Variants in IL7 observed in about 807,000 individuals in gnomAD.
IL7 encodes interleukin 7, also known as interleukin-7.
A neutral mutation model predicts 21.6 loss-of-function variants in IL7; 3 were observed. The observed-to-expected ratio is 0.14, with a 90% CI of 0.06 to 0.36. IL7 has a LOEUF of 0.36. Ranked by LOEUF, IL7 falls within the 10% of genes least tolerant of loss-of-function variation. The probability of loss-of-function intolerance (pLI) is 1.00; values close to 1 mark genes in which losing one functional copy is unlikely to be tolerated. For synonymous variants in IL7, 62 were observed against 68.1 expected (o/e 0.91, Z 0.44); for missense variants, 175 against 200.2 (o/e 0.87, Z 0.76).
intron 2 of IL7, among the ~76,000 whole-genome samples, chr8:78,776,733 T>A (rs1813149117): frequency 6.6e-6 from 1 of 152,070 alleles, no homozygotes; most frequent in African/African-American, 2.4e-5. Context: ...CCATTTAATT[T>A]ATTTAAAATA....
chr8:78,757,755 T>C (rs1341933453), intron 2 of IL7, among the ~76,000 whole-genome samples: 1 of 152,060 alleles, frequency 6.6e-6, no homozygotes, highest in Non-Finnish European at 1.5e-5. Flanking sequence ...TTTCCGTCAC[T>C]TCACTTTCAG....
At chr8:78,729,695 T>C (rs972178788), downstream of IL7, among the ~76,000 whole-genome samples, 2 of 152,004 alleles carry the variant, frequency 1.3e-5, no homozygotes, top group Non-Finnish European at 2.9e-5. Context: ...CCTCACATGA[T>C]TGGATGCTCC....
At chr8:78,691,695 T>C (rs1810217174) in intron 3 of IL7, among the ~76,000 whole-genome samples, 1 of 152,120 alleles carries the variant, frequency 6.6e-6, no homozygotes, top group African/African-American at 2.4e-5. Flanking sequence ...TTTTTGGCTT[T>C]CTAGCTGTAA....
chr8:78,793,496 A>C (rs1319353673), intron 2 of IL7, among the ~76,000 whole-genome samples: 1 of 152,152 alleles, frequency 6.6e-6, no homozygotes, highest in East Asian at 1.9e-4. Context: ...TCTTATGTCT[A>C]AAATAACAAT....
In IL7 at chr8:78,740,028, T is replaced by TA. The variant is rs1321171533; in HGVS notation, c.201dup (p.Lys68Ter). 6.5e-7 allele frequency: 1 copy of TA among 1,541,608 alleles called. No individual in the cohort carries two copies. The highest frequency in any genetic ancestry group is 2.2e-5 in the Admixed American group (1 of 46,458). On this transcript the variant is annotated frameshift_variant, in exon 3 of 6. Coordinates refer to ENST00000263851, the MANE Select transcript of IL7 (RefSeq NM_000880.4). LOFTEE classifies it high-confidence loss of function. ...TTATTAGCATCACAGATATGTCTTT[T>TA]AAAAAAGTTAAATTCATTATTCAGG...
In IL7 at chr8:78,783,516, C is replaced by A. The variant is rs1319191486; in HGVS notation, c.147+14556G>T. On this transcript the variant is annotated intron_variant, in intron 2 of 5. Transcript: ENST00000263851. Reference sequence around the variant, plus strand: ...TATTCTCGGTGGAGGCCTCCAACTGCAACTGTGTCTAGTCAGCCATCATGG... The same window carrying A: ...TATTCTCGGTGGAGGCCTCCAACTGAAACTGTGTCTAGTCAGCCATCATGG... 2.7e-5 allele frequency among the ~76,000 whole-genome samples: 4 copies of A among 148,810 alleles called. 1 individual carries two copies. The East Asian group carries it at 8.1e-4, about 30-fold the overall frequency.
intron 2 of IL7, among the ~76,000 whole-genome samples, chr8:78,771,958 A>G (rs1812972639): frequency 6.6e-6 from 1 of 152,142 alleles, no homozygotes; most frequent in African/African-American, 2.4e-5. Flanking sequence ...CTAGCCCCAA[A>G]GAGGAGAGGA....
At chr8:78,710,569 T>C (rs1810921771) in intron 3 of IL7, among the ~76,000 whole-genome samples, 1 of 152,070 alleles carries the variant, frequency 6.6e-6, no homozygotes, top group Admixed American at 6.5e-5. Context: ...ATTTTCTAAA[T>C]TTTAATTTCA....
intron 2 of IL7, chr8:78,762,137 C>T (rs559540965): frequency 6.3e-7 from 1 of 1,596,626 alleles, no homozygotes; most frequent in African/African-American, 1.3e-5. Flanking sequence ...TCTGTGTCTA[C>T]TATGTGGGTT....
At chr8:78,677,839 A>C (rs1809631988) in intron 4 of IL7, among the ~76,000 whole-genome samples, 1 of 152,200 alleles carries the variant, frequency 6.6e-6, no homozygotes, top group South Asian at 2.1e-4. Context: ...AAGAAAGTAA[A>C]GGAATGAAAG....
chr8:78,675,640 T>C (rs1048742939), downstream of IL7: 3 of 651,706 alleles, frequency 4.6e-6, no homozygotes, highest in Non-Finnish European at 7.6e-6. Context: ...CTCCTTTTCA[T>C]AGATAATTTT....
chr8:78,747,416 C>T (rs1812018126), intron 2 of IL7, among the ~76,000 whole-genome samples: 1 of 152,046 alleles, frequency 6.6e-6, no homozygotes, highest in South Asian at 2.1e-4. Flanking sequence ...AACTCCTTAC[C>T]TCAAGTAAAG....
intron 3 of IL7, chr8:78,686,442 TA>T: frequency 7.6e-7 from 1 of 1,314,518 alleles, no homozygotes; most frequent in Non-Finnish European, 9.9e-7. Flanking sequence ...TTTATTTATT[TA>T]TTTATTTATT....
At chr8:78,790,315 AT>A (rs1476353313) in intron 2 of IL7, among the ~76,000 whole-genome samples, 2 of 152,154 alleles carry the variant, frequency 1.3e-5, no homozygotes, top group Admixed American at 6.6e-5. Flanking sequence ...AGGTAAAATA[AT>A]TTTTTATGGA....
chr8:78,729,698 G>C (rs1161669440), downstream of IL7, among the ~76,000 whole-genome samples: 1 of 151,950 alleles, frequency 6.6e-6, no homozygotes, highest in African/African-American at 2.4e-5. Flanking sequence ...CACATGATTG[G>C]ATGCTCCTCA....
chr8:78,691,180 A>G (rs1313081083), intron 3 of IL7, among the ~76,000 whole-genome samples: 1 of 152,162 alleles, frequency 6.6e-6, no homozygotes, highest in East Asian at 1.9e-4. Context: ...GTTTTTCACC[A>G]TTGTGTATGA....
At chr8:78,698,335 A>T in intron 3 of IL7, 1 of 1,176,208 alleles carries the variant, frequency 8.5e-7, no homozygotes, top group Non-Finnish European at 1.2e-6. Flanking sequence ...TTACTAAAGC[A>T]TTGTTTCCTT....
chr8:78,715,470 C>G (rs1394644144), downstream of IL7: 1 of 688,762 alleles, frequency 1.5e-6, no homozygotes, highest in African/African-American at 1.9e-5. Context: ...AAGTTGTACA[C>G]CTCTAATGGA....
chr8:78,684,945 G>A (rs1809916411), intron 4 of IL7, among the ~76,000 whole-genome samples: 1 of 152,096 alleles, frequency 6.6e-6, no homozygotes, highest in South Asian at 2.1e-4. Flanking sequence ...GTTTATAAAT[G>A]TGATTCTTAA....
Sources: allele counts gnomAD v4.1 joint callset (sites outside exome capture counted in the v4.1 genomes callset), GRCh38; gene constraint gnomAD v4.1.1; transcripts MANE v1.5; gene names NCBI Gene and HGNC (gene_info 2026-07-23, HGNC 2026-07-21).